The following PDE3A variants were observed in gnomAD, a reference collection of about 807,000 sequenced individuals.
PDE3A encodes the protein phosphodiesterase 3A, also known as cGMP-inhibited 3',5'-cyclic phosphodiesterase 3A.
In PDE3A, 43 loss-of-function variants were observed where a neutral mutation model predicts 98.3. The observed-to-expected ratio is 0.44, with a 90% CI of 0.34 to 0.56. PDE3A has a LOEUF of 0.56. Among genes scored for constraint, PDE3A ranks in the 20% least tolerant of loss-of-function variants. The pLI is 0.01. For missense variants in PDE3A, 1,427 were observed against 1,440.7 expected, an observed-to-expected ratio of 0.99 and a Z score of 0.15; for synonymous variants, 663 against 567.9, an observed-to-expected ratio of 1.17 and a Z score of -2.38.
chr12:20,631,186 A>G (rs1944369451), intron 6 of PDE3A, among the ~76,000 whole-genome samples: 1 of 152,190 alleles, frequency 6.6e-6, no homozygotes, highest in Admixed American at 6.6e-5. Context: ...TCTACTATGC[A>G]AAAGTTATTC....
intron 14 of PDE3A, among the ~76,000 whole-genome samples, chr12:20,652,837 C>T (rs1291779333): frequency 6.6e-6 from 1 of 152,180 alleles, no homozygotes; most frequent in African/African-American, 2.4e-5. Flanking sequence ...GGGATCTCAT[C>T]AAACTAAAGA....
At chr12:20,616,592 A>G (rs972839089) in intron 4 of PDE3A, among the ~76,000 whole-genome samples, 1 of 152,320 alleles carries the variant, frequency 6.6e-6, no homozygotes, top group Non-Finnish European at 1.5e-5. Context: ...GGCCTTATAT[A>G]TAAGTGGAAA....
chr12:20,484,145 A>G (rs1268723863), intron 1 of PDE3A, among the ~76,000 whole-genome samples: 7 of 152,170 alleles, frequency 4.6e-5, no homozygotes, highest in African/African-American at 1.7e-4. Context: ...ATTTCTTTAT[A>G]TAGTAGGTCA....
At chr12:20,454,259 C>T (rs1945116705) in intron 1 of PDE3A, among the ~76,000 whole-genome samples, 2 of 152,150 alleles carry the variant, frequency 1.3e-5, no homozygotes, top group Non-Finnish European at 2.9e-5. Flanking sequence ...TTCCAGTGTA[C>T]ACATAGATTA....
intron 1 of PDE3A, among the ~76,000 whole-genome samples, chr12:20,372,900 C>A (rs534355201): frequency 6.6e-6 from 1 of 152,216 alleles, no homozygotes; most frequent in Admixed American, 6.5e-5. Flanking sequence ...TCATCATTTT[C>A]TTCTCTGTAT....
At chr12:20,446,273 C>T (rs1944951914) in intron 1 of PDE3A, among the ~76,000 whole-genome samples, 1 of 152,120 alleles carries the variant, frequency 6.6e-6, no homozygotes, top group Admixed American at 6.6e-5. Flanking sequence ...GCTTCCCTCT[C>T]TAGTAAAATA....
intron 1 of PDE3A, among the ~76,000 whole-genome samples, chr12:20,372,979 G>C (rs578203509): frequency 1.3e-5 from 2 of 152,106 alleles, no homozygotes; most frequent in South Asian, 4.2e-4. Flanking sequence ...AGTGCAAAGA[G>C]AATATATGAT....
chr12:20,508,865 T>A (rs1344714250), intron 1 of PDE3A, among the ~76,000 whole-genome samples: 1 of 152,048 alleles, frequency 6.6e-6, no homozygotes, highest in Non-Finnish European at 1.5e-5. Flanking sequence ...TCAGTACTTT[T>A]TTTTTTAAGC....
chr12:20,538,732 C>T (rs1281529595), intron 1 of PDE3A, among the ~76,000 whole-genome samples: 1 of 152,092 alleles, frequency 6.6e-6, no homozygotes, highest in African/African-American at 2.4e-5. Context: ...GTAGCCTAAA[C>T]CACCTGGGTT....
chr12:20,407,140 G>A (rs1163903805), intron 1 of PDE3A, among the ~76,000 whole-genome samples: 2 of 152,156 alleles, frequency 1.3e-5, no homozygotes, highest in Admixed American at 1.3e-4. Flanking sequence ...CAGCATAGAT[G>A]TTGATTACAG....
intron 1 of PDE3A, among the ~76,000 whole-genome samples, chr12:20,469,730 A>G (rs1199512026): frequency 6.6e-6 from 1 of 152,228 alleles, no homozygotes; most frequent in East Asian, 1.9e-4. Context: ...ATTTTTAGGT[A>G]CAACATATAT....
intron 15 of PDE3A, among the ~76,000 whole-genome samples, chr12:20,663,461 A>G (rs1945232081): frequency 7.0e-6 from 1 of 142,490 alleles, no homozygotes; most frequent in Non-Finnish European, 1.6e-5. Context: ...GAGGTGCTGT[A>G]CCCTGCAAAG....
intron 5 of PDE3A, among the ~76,000 whole-genome samples, chr12:20,622,196 C>T (rs1235383631): frequency 6.6e-6 from 1 of 152,118 alleles, no homozygotes; most frequent in Non-Finnish European, 1.5e-5. Flanking sequence ...TTCTGGCTTC[C>T]ATGGCAACCC....
At chr12:20,515,927 T>C (rs1592008144) in intron 1 of PDE3A, among the ~76,000 whole-genome samples, 1 of 149,654 alleles carries the variant, frequency 6.7e-6, no homozygotes, top group Non-Finnish European at 1.5e-5. Context: ...AGAGACGGGG[T>C]TTCACCGTTT....
In PDE3A at chr12:20,446,112, C is replaced by T. The variant is rs112268048; in HGVS notation, c.960+75868C>T. ...TTTCCCTTCGCCCTTTCTCCCCCAA[C>T]GTGCCTGAAATGAAGCCCTTCCCAT... On this transcript the variant is annotated intron_variant, in intron 1 of 15. Transcript: ENST00000359062. Among the ~76,000 whole-genome samples, 8 of 152,260 alleles carry T rather than the reference C, an allele frequency of 5.3e-5. No individual in the cohort carries two copies. In the East Asian group the frequency reaches 1.2e-3, roughly 22 times the overall value.
At chr12:20,464,888 T>C (rs144942762) in intron 1 of PDE3A, among the ~76,000 whole-genome samples, 2 of 152,270 alleles carry the variant, frequency 1.3e-5, no homozygotes, top group African/African-American at 4.8e-5. Context: ...ACAGATATTT[T>C]AGGATAAACA....
chr12:20,497,428 T>G (rs1297549099), intron 1 of PDE3A, among the ~76,000 whole-genome samples: 1 of 151,682 alleles, frequency 6.6e-6, no homozygotes, highest in Non-Finnish European at 1.5e-5. Context: ...TCTAAGAGTC[T>G]CCTCTATTTT....
chr12:20,584,805 T>C (rs1168845494), intron 2 of PDE3A, among the ~76,000 whole-genome samples: 1 of 152,158 alleles, frequency 6.6e-6, no homozygotes, highest in South Asian at 2.1e-4. Context: ...TCTGGCAATT[T>C]TCATTTTTTT....
intron 6 of PDE3A, among the ~76,000 whole-genome samples, chr12:20,633,015 A>T (rs1944417757): frequency 7.2e-6 from 1 of 138,932 alleles, no homozygotes; most frequent in African/African-American, 2.8e-5. Flanking sequence ...CAGTGGTGCA[A>T]TCTCCACTCA....
Sources: gnomAD v4.1 joint callset for allele counts (sites outside exome capture counted in the v4.1 genomes callset) on GRCh38, gnomAD v4.1.1 for gene constraint, MANE v1.5 for transcripts, NCBI Gene and HGNC (gene_info 2026-07-23, HGNC 2026-07-21) for gene names.